Variants in DSTYK observed in about 807,000 individuals in gnomAD.
DSTYK encodes dual serine/threonine and tyrosine protein kinase.
In DSTYK, 34 loss-of-function variants were observed where a neutral mutation model predicts 98.7. The observed-to-expected ratio is 0.34, with a 90% CI of 0.26 to 0.46. The LOEUF (loss-of-function observed/expected upper bound fraction) is 0.46. DSTYK is among the 20% of genes least tolerant of loss of function. The pLI, the probability that DSTYK is intolerant of heterozygous loss-of-function variation, is 1.00. For missense variants in DSTYK, 962 were observed against 1,181.7 expected (o/e 0.81, Z 2.73); for synonymous variants, 462 against 457.3 (o/e 1.01, Z -0.13).
intron 1 of DSTYK, among the ~76,000 whole-genome samples, chr1:205,207,254 C>A (rs1558630138): frequency 6.6e-6 from 1 of 150,862 alleles, no homozygotes; most frequent in African/African-American, 2.4e-5. Flanking sequence ...ATTTTTTGTA[C>A]TTTTAGTAGA....
intron 9 of DSTYK, among the ~76,000 whole-genome samples, chr1:205,157,715 T>C (rs1337126358): frequency 6.9e-6 from 1 of 145,050 alleles, no homozygotes; most frequent in Non-Finnish European, 1.5e-5. Flanking sequence ...TGAGTTGAGA[T>C]GGTGCCACTG....
At chr1:205,186,728 T>G (rs1658568522) in intron 2 of DSTYK, among the ~76,000 whole-genome samples, 2 of 152,220 alleles carry the variant, frequency 1.3e-5, no homozygotes, top group African/African-American at 4.8e-5. Context: ...CAGAAGTTAT[T>G]TCCTAAGTGA....
At position 205,187,560 on chromosome 1, in the gene DSTYK, T is replaced by C. The variant is rs754915090; in HGVS notation, c.512A>G (p.Tyr171Cys). 2 of 1,614,146 alleles carry C rather than the reference T, an allele frequency of 1.2e-6. No individual in the cohort carries two copies. Among genetic ancestry groups the C allele is most frequent in the Admixed American group, 3.3e-5 (2 of 60,020 alleles). ...TRVSLALPGQ[Y>C]ELVHTLVAHQ... ...AGCAACCAGCGTGTGCACTAGTTCA[T>C]ACTGTCCAGGGAGCGCCAGGCTGAC... Residue 171 changes from tyrosine to cysteine, a missense_variant, in exon 2 of 13, where the codon TAT (tyrosine) becomes TGT (cysteine). Physicochemically the swap from Tyr to Cys is radical, Grantham distance 194. Coordinates refer to ENST00000367162, the MANE Select transcript of DSTYK (RefSeq NM_015375.3).
intron 2 of DSTYK, among the ~76,000 whole-genome samples, chr1:205,172,757 C>G (rs1280684857): frequency 6.6e-6 from 1 of 152,130 alleles, no homozygotes; most frequent in African/African-American, 2.4e-5. Flanking sequence ...GCTCAAAGTG[C>G]TTTTAGCATC....
At chr1:205,159,518 C>G in intron 9 of DSTYK, 29 bp downstream of exon 9, 1 of 1,592,782 alleles carries the variant, frequency 6.3e-7, no homozygotes. Context: ...GTGGATTTGG[C>G]TGCCAGCTGG....
chr1:205,200,244 G>T (rs1658988807), intron 1 of DSTYK, among the ~76,000 whole-genome samples: 1 of 151,962 alleles, frequency 6.6e-6, no homozygotes, highest in South Asian at 2.1e-4. Flanking sequence ...CACCATGTTG[G>T]CCAGGCTAGT....
chr1:205,162,286 T>C, intron 5 of DSTYK, 74 bp from the exon 6 acceptor site: 2 of 1,533,296 alleles, frequency 1.3e-6, no homozygotes, highest in Non-Finnish European at 1.8e-6. Context: ...GTGTCCTTCC[T>C]TTTCTGGGTT....
chr1:205,180,777 T>C (rs1376625742), intron 2 of DSTYK, among the ~76,000 whole-genome samples: 1 of 152,214 alleles, frequency 6.6e-6, no homozygotes, highest in Admixed American at 6.5e-5. Flanking sequence ...GCTGTTCTTT[T>C]AAGAGATATC....
chr1:205,148,086 G>T (rs189011719), intron 12 of DSTYK, 119 bp downstream of exon 12: 2 of 1,211,330 alleles, frequency 1.7e-6, no homozygotes, highest in African/African-American at 1.5e-5. Context: ...CAGTTTAAAC[G>T]TATCTACGGC....
At chr1:205,149,733 C>T (rs1201387770) in intron 11 of DSTYK, among the ~76,000 whole-genome samples, 1 of 152,166 alleles carries the variant, frequency 6.6e-6, no homozygotes, top group East Asian at 1.9e-4. Context: ...CTCAAAAGCT[C>T]AGTAGCTCCT....
rs933050371 is a variant in DSTYK, at chr1:205,142,696, T to C, written c.*4862A>G. 2 of 152,266 alleles carry C rather than the reference T, an allele frequency of 1.3e-5. No individual in the cohort carries two copies. The highest frequency in any genetic ancestry group is 4.8e-5 in the African/African-American group (2 of 41,448). 9.4% of individuals were successfully genotyped at this position (152,266 alleles called of 1,614,324 possible). On this transcript the variant is annotated 3_prime_UTR_variant, in exon 13 of 13. Coordinates refer to ENST00000367162, the MANE Select transcript of DSTYK (RefSeq NM_015375.3). ...TAACAATATTATGGAAAGAGCCAGGTAGCACAAGAAAGGAGAGAGGATAAA... is the reference window on the plus strand; with the variant it reads ...TAACAATATTATGGAAAGAGCCAGGCAGCACAAGAAAGGAGAGAGGATAAA...
At position 205,150,765 on chromosome 1, in the gene DSTYK, A is replaced by T. The variant is rs1288794371; in HGVS notation, c.2382T>A (p.Thr794=). The part of the protein sequence containing the change: ...LLDKQNRAKI[T]DLGFCKPEAM... ...CCTCTGGCTTGCAGAATCCTAAGTC[A>T]GTGATCTTGGCACGGTTCTGCTTAT... Residue 794 remains threonine (T), a synonymous_variant, in exon 11 of 13, where the codon ACT becomes ACA. Coordinates refer to ENST00000367162, the MANE Select transcript of DSTYK (RefSeq NM_015375.3). The surrounding 1 kb of genome is among the most constrained non-coding windows in gnomAD (Gnocchi z 4.1). The T allele has an allele frequency of 3.7e-6, 6 of 1,614,160 alleles. No homozygotes were observed. Among genetic ancestry groups the T allele is most frequent in the Non-Finnish European group, 5.1e-6 (6 of 1,180,028 alleles).
intron 1 of DSTYK, among the ~76,000 whole-genome samples, chr1:205,207,771 AAAAAAAAAAAAAAAAAAAAAAAG>A (rs1488858113): frequency 3.4e-5 from 3 of 89,130 alleles, no homozygotes; most frequent in African/African-American, 1.1e-4. Flanking sequence ...AAAAAAAAAA[AAAAAAAAAAAAAAAAAAAAAAAG>A]AAAAAAAATA....
intron 1 of DSTYK, chr1:205,202,433 A>C: frequency 1.3e-6 from 1 of 750,816 alleles, no homozygotes; most frequent in Non-Finnish European, 2.4e-6. Context: ...GGACAAGGTC[A>C]GTGGCCCAAA....
At chr1:205,199,351 A>G (rs571042003) in intron 1 of DSTYK, among the ~76,000 whole-genome samples, 5 of 152,330 alleles carry the variant, frequency 3.3e-5, no homozygotes, top group Non-Finnish European at 5.9e-5. Context: ...ACCAGAACCC[A>G]CAGGGGATAC....
chr1:205,176,893 T>C (rs1658249684), intron 2 of DSTYK, among the ~76,000 whole-genome samples: 1 of 152,112 alleles, frequency 6.6e-6, no homozygotes, highest in Admixed American at 6.6e-5. Context: ...AGGATGATTA[T>C]ACTAACTGAT....
chr1:205,210,905 G>A (rs1386902699), intron 1 of DSTYK, among the ~76,000 whole-genome samples: 2 of 152,222 alleles, frequency 1.3e-5, no homozygotes, highest in Non-Finnish European at 2.9e-5. Context: ...AACGGCGCAC[G>A]CGCCCGCCCC....
intron 2 of DSTYK, among the ~76,000 whole-genome samples, chr1:205,175,838 A>G (rs1317625606): frequency 3.9e-5 from 6 of 152,228 alleles, no homozygotes; most frequent in African/African-American, 7.2e-5. Context: ...TAAGCATCCA[A>G]TAAATAAACA....
chr1:205,204,885 T>G (rs1659155646), intron 1 of DSTYK, among the ~76,000 whole-genome samples: 1 of 152,192 alleles, frequency 6.6e-6, no homozygotes, highest in African/African-American at 2.4e-5. Context: ...ATTATATATA[T>G]GAAGAACCCA....
Sources: gnomAD v4.1 joint callset for allele counts (sites outside exome capture counted in the v4.1 genomes callset) on GRCh38, gnomAD v4.1.1 for gene constraint, Gnocchi (gnomAD v3.1) non-coding constraint, MANE v1.5 for transcripts, NCBI Gene and HGNC (gene_info 2026-07-23, HGNC 2026-07-21) for gene names.